Variants in APBB2 observed in about 807,000 individuals in gnomAD.
The protein encoded by APBB2 is Fe65-like 1.
A neutral mutation model predicts 82.5 loss-of-function variants in APBB2; 38 were observed. That is an observed-to-expected ratio of 0.46 (90% confidence interval 0.36 to 0.60). The LOEUF (loss-of-function observed/expected upper bound fraction) is 0.60. APBB2 is among the 20% of genes least tolerant of loss of function. The pLI, the probability that APBB2 is intolerant of heterozygous loss-of-function variation, is 0.00. For missense variants in APBB2, 772 were observed against 972.3 expected (o/e 0.79, Z 2.74); for synonymous variants, 341 against 368.2 (o/e 0.93, Z 0.85).
intron 3 of APBB2, among the ~76,000 whole-genome samples, chr4:41,078,294 A>G (rs1736342959): frequency 6.6e-6 from 1 of 152,222 alleles, no homozygotes; most frequent in African/African-American, 2.4e-5. Flanking sequence ...TGAACTAAGG[A>G]GTAGTTGCTT....
chr4:40,980,123 A>T (rs1798117216), intron 6 of APBB2, among the ~76,000 whole-genome samples: 1 of 152,144 alleles, frequency 6.6e-6, no homozygotes. Flanking sequence ...CCTCGGTTCA[A>T]GCAATTCTCC....
At chr4:40,865,959 A>G (rs927601547) in intron 12 of APBB2, among the ~76,000 whole-genome samples, 2 of 152,244 alleles carry the variant, frequency 1.3e-5, no homozygotes, top group African/African-American at 4.8e-5. Flanking sequence ...GGCAATGCCA[A>G]CTGCTGGTGA....
At chr4:41,016,645 C>G (rs987463547) in intron 5 of APBB2, among the ~76,000 whole-genome samples, 6 of 151,670 alleles carry the variant, frequency 4.0e-5, no homozygotes, top group African/African-American at 1.5e-4. Context: ...GAGCAAAACT[C>G]TGTCTCAAAA....
intron 12 of APBB2, among the ~76,000 whole-genome samples, chr4:40,875,732 G>C (rs1305516729): frequency 2.0e-5 from 3 of 152,134 alleles, no homozygotes; most frequent in Non-Finnish European, 4.4e-5. Context: ...TTAGGGCTCA[G>C]ACTCTGGGAG....
intron 3 of APBB2, among the ~76,000 whole-genome samples, chr4:41,097,407 A>G (rs1252310236): frequency 6.6e-6 from 1 of 152,234 alleles, no homozygotes; most frequent in Non-Finnish European, 1.5e-5. Flanking sequence ...AACCTATGCC[A>G]TATATTCCAC....
chr4:40,869,423 G>C (rs1474408713), intron 12 of APBB2, among the ~76,000 whole-genome samples: 1 of 150,286 alleles, frequency 6.7e-6, no homozygotes, highest in African/African-American at 2.5e-5. Flanking sequence ...CCATCAATAT[G>C]ATTTTTTTTT....
intron 10 of APBB2, among the ~76,000 whole-genome samples, chr4:40,899,642 G>A (rs563975523): frequency 6.6e-6 from 1 of 152,348 alleles, no homozygotes; most frequent in South Asian, 2.1e-4. Context: ...TAGGCCCTCA[G>A]CAAATATGGA....
chr4:41,058,743 G>T (rs1202795206), intron 4 of APBB2, among the ~76,000 whole-genome samples: 1 of 152,128 alleles, frequency 6.6e-6, no homozygotes, highest in Admixed American at 6.5e-5. Context: ...ATTGCAATTT[G>T]GTGACAAAAA....
At chr4:40,952,378 G>A (rs77714198) in intron 6 of APBB2, among the ~76,000 whole-genome samples, 5,367 of 152,004 alleles carry the variant, frequency 0.035, 322 homozygotes, top group African/African-American at 0.11. Flanking sequence ...GGCTGGTGAC[G>A]CCTCTACTGT....
intron 2 of APBB2, among the ~76,000 whole-genome samples, chr4:41,134,743 C>G (rs562197341): frequency 6.6e-6 from 1 of 152,144 alleles, no homozygotes; most frequent in Non-Finnish European, 1.5e-5. Context: ...CCATAAGATA[C>G]TGAGAAAGTG....
Position 40,874,641 on chromosome 4 carries a change from C to T in APBB2, c.1529+15723G>A, listed in dbSNP as rs73810671. 8.5e-3 allele frequency among the ~76,000 whole-genome samples: 1,296 copies of T among 152,312 alleles called. 9 individuals are homozygous for T. The highest frequency in any genetic ancestry group is 0.029 in the African/African-American group (1,213 of 41,564). On this transcript the variant is annotated intron_variant, in intron 12 of 17. Transcript: ENST00000508593. ...TCTGACCTGGTGGGTCCCAGAACTG[C>T]TGGCCCTCTGAAGGTTCGCCGTTAA... is the stretch of plus-strand genomic sequence containing the variant.
At chr4:41,136,728 C>A (rs1259189081) in intron 2 of APBB2, among the ~76,000 whole-genome samples, 1 of 152,156 alleles carries the variant, frequency 6.6e-6, no homozygotes, top group Non-Finnish European at 1.5e-5. Flanking sequence ...AGCCCAGCAG[C>A]AATAGTCAGC....
At chr4:41,086,600 G>C (rs1739776209) in intron 3 of APBB2, among the ~76,000 whole-genome samples, 1 of 152,128 alleles carries the variant, frequency 6.6e-6, no homozygotes, top group African/African-American at 2.4e-5. Context: ...AAGAGCATTT[G>C]ACAAAATTCA....
intron 10 of APBB2, among the ~76,000 whole-genome samples, chr4:40,914,216 A>C (rs940025247): frequency 1.3e-5 from 2 of 151,676 alleles, no homozygotes; most frequent in Admixed American, 1.3e-4. Flanking sequence ...TAAAAATACA[A>C]AAAAAAATTA....
At chr4:41,188,404 T>C (rs930534341) in intron 1 of APBB2, among the ~76,000 whole-genome samples, 1 of 152,198 alleles carries the variant, frequency 6.6e-6, no homozygotes, top group Admixed American at 6.5e-5. Flanking sequence ...ACTCCAAATG[T>C]GATGGTACTG....
chr4:40,899,132 CCTGT>C (rs1334660075), intron 10 of APBB2, among the ~76,000 whole-genome samples: 2 of 152,206 alleles, frequency 1.3e-5, no homozygotes, highest in African/African-American at 4.8e-5. Context: ...AGTTAGTTAA[CCTGT>C]CTGTGTCTCA....
At chr4:41,137,770 A>G (rs146262953) in intron 2 of APBB2, among the ~76,000 whole-genome samples, 3 of 152,326 alleles carry the variant, frequency 2.0e-5, no homozygotes, top group African/African-American at 7.2e-5. Context: ...TTTTCTGCAA[A>G]TGGTGCTAAG....
At chr4:40,850,785 T>A (rs551355462) in intron 12 of APBB2, among the ~76,000 whole-genome samples, 4 of 152,158 alleles carry the variant, frequency 2.6e-5, no homozygotes, top group African/African-American at 9.6e-5. Context: ...CTAAAAAAAA[T>A]TTTTTTAAAT....
intron 12 of APBB2, among the ~76,000 whole-genome samples, chr4:40,889,151 CTG>C (rs1771235402): frequency 6.6e-6 from 1 of 152,244 alleles, no homozygotes; most frequent in Admixed American, 6.5e-5. Context: ...AAAGATGCAA[CTG>C]TGCTCCCAGG....
Sources: gnomAD v4.1 joint callset for allele counts (sites outside exome capture counted in the v4.1 genomes callset) on GRCh38, gnomAD v4.1.1 for gene constraint, MANE v1.5 for transcripts, NCBI Gene and HGNC (gene_info 2026-07-23, HGNC 2026-07-21) for gene names.